Variants in RETREG2 observed in about 807,000 individuals in gnomAD.
The protein encoded by RETREG2 is reticulophagy regulator family member 2.
RETREG2 carries 21 observed loss-of-function variants against 51.6 expected under a neutral mutation model. The ratio of observed to expected loss-of-function variants is 0.41; its 90% confidence interval spans 0.29 to 0.59. RETREG2 has a LOEUF of 0.59. Ranked by LOEUF, RETREG2 falls within the 20% of genes least tolerant of loss-of-function variation. The probability of loss-of-function intolerance (pLI) is 0.34; values close to 1 mark genes in which losing one functional copy is unlikely to be tolerated. For synonymous variants in RETREG2, 339 were observed against 288.6 expected, an observed-to-expected ratio of 1.17 and a Z score of -1.77; for missense variants, 674 against 646.0, an observed-to-expected ratio of 1.04 and a Z score of -0.47.
In RETREG2 at chr2:219,181,629, TCTC is replaced by T. The variant is rs1282569828; in HGVS notation, c.880-8_880-6del. ...CCTCACATGTCGTGTTCATCCTGGT[TCTC>T]CTGCCAGGTGGATGTGAAGAAAACA... On this transcript the variant is annotated splice_polypyrimidine_tract_variant and splice_region_variant and intron_variant, in intron 7 of 8. Coordinates refer to ENST00000430297, the MANE Select transcript of RETREG2 (RefSeq NM_024293.6). The T allele has an allele frequency of 2.5e-6, 4 of 1,613,388 alleles. No individual in the cohort carries two copies. Among genetic ancestry groups the T allele is most frequent in the South Asian group, 2.2e-5 (2 of 91,060 alleles).
intron 3 of RETREG2, 89 bp from the exon 4 acceptor site, chr2:219,180,021 C>A (rs1390348017): frequency 2.0e-5 from 31 of 1,541,440 alleles, no homozygotes; most frequent in Non-Finnish European, 2.7e-5. Context: ...CTTTTTTAGA[C>A]TAAAGATATC....
rs563084224 is a variant in RETREG2, at chr2:219,180,029, A to G, written c.420-81A>G. The G allele has an allele frequency of 4.8e-5, 75 of 1,559,212 alleles. 1 individual carries two copies. The South Asian group carries it at 8.1e-4, about 17-fold the overall frequency. On this transcript the variant is annotated intron_variant, in intron 3 of 8. Coordinates refer to ENST00000430297, the MANE Select transcript of RETREG2 (RefSeq NM_024293.6). ...TCATTTGCTTTTTTAGACTAAAGATATCTTTGGCATTCTCAGAGGGATTTA... is the reference window on the plus strand; with the variant it reads ...TCATTTGCTTTTTTAGACTAAAGATGTCTTTGGCATTCTCAGAGGGATTTA...
intron 7 of RETREG2, 35 bp from the exon 8 acceptor site, chr2:219,181,605 C>T (rs769241281): frequency 3.7e-6 from 6 of 1,611,106 alleles, no homozygotes; most frequent in Non-Finnish European, 5.1e-6. Context: ...CTCTTATCCC[C>T]TCACATGTCG....
intron 1 of RETREG2, 123 bp from the exon 2 acceptor site, chr2:219,178,799 C>A: frequency 8.9e-7 from 1 of 1,125,354 alleles, no homozygotes; most frequent in Non-Finnish European, 1.3e-6. Context: ...ATCTCTGAGT[C>A]GTGAGTCGCG....
chr2:219,180,525 C>A, intron 4 of RETREG2, 145 bp from the exon 5 acceptor site: 1 of 1,405,424 alleles, frequency 7.1e-7, no homozygotes, highest in Non-Finnish European at 9.7e-7. Context: ...AATTGGTGGT[C>A]TTGAGCATCC....
intron 2 of RETREG2, among the ~76,000 whole-genome samples, chr2:219,179,491 T>G (rs544225441): frequency 7.2e-5 from 11 of 152,346 alleles, no homozygotes; most frequent in African/African-American, 2.4e-4. Context: ...ATAATTTACT[T>G]AGTAGGTGAC....
chr2:219,185,388 C>T lies in RETREG2; in HGVS notation c.*2759C>T, dbSNP rs1187136255. The T allele has an allele frequency of 6.6e-6, 1 of 152,130 alleles. No homozygotes were observed. The highest frequency in any genetic ancestry group is 1.5e-5 in the Non-Finnish European group (1 of 68,026). 9.4% of individuals were successfully genotyped at this position (152,130 alleles called of 1,614,324 possible). A position where few individuals can be genotyped will look rare whatever the true frequency, so the allele number is the denominator to read the frequency against. ...TAGGGGAGGAGGGAGTACATTTTAG[C>T]TATGTATTCAAACAGCTAATAGTTT... On this transcript the variant is annotated 3_prime_UTR_variant, in exon 9 of 9. Transcript: ENST00000430297.
chr2:219,178,459 C>G lies in RETREG2; in HGVS notation c.107C>G (p.Thr36Ser). The change falls in exon 1 of 9, where the codon ACC (threonine) becomes AGC (serine). Residue 36 changes from threonine (T) to serine (S), a missense_variant. Coordinates refer to ENST00000430297, the MANE Select transcript of RETREG2 (RefSeq NM_024293.6). ...LGLSLGMSEA[T>S]SEAEEEAATA... ...CTGAGCCTAGGCATGAGTGAGGCCA[C>G]CAGTGAGGCAGAGGAGGAGGCGGCC... The G allele has an allele frequency of 1.1e-6, 1 of 882,926 alleles. No individual in the cohort carries two copies. 54.7% of individuals were successfully genotyped at this position (882,926 alleles called of 1,614,324 possible).
rs747967369 is a variant in RETREG2 at position 219,182,968 on chromosome 2, C to G, written c.*339C>G. ...CCAAGCCCTGGTGGTCTGGCCCTTT[C>G]TTTTTCCTCCTATCCTCAGGGACCT... is the stretch of plus-strand genomic sequence containing the variant. On this transcript the variant is annotated 3_prime_UTR_variant, in exon 9 of 9. Coordinates refer to ENST00000430297, the MANE Select transcript of RETREG2 (RefSeq NM_024293.6). 3 of 326,794 alleles carry G rather than the reference C, an allele frequency of 9.2e-6. No individual in the cohort carries two copies. The highest frequency in any genetic ancestry group is 1.7e-5 in the Non-Finnish European group (3 of 172,614). 20.2% of individuals were successfully genotyped at this position (326,794 alleles called of 1,614,324 possible).
chr2:219,182,390 TC>T lies in RETREG2; in HGVS notation c.1395del (p.Ile466PhefsTer38). ...TGGAAGTGACCCAGCCCCCTCCCCTTCCATTCTCCCACCTGTTCCCCAGGAC... is the reference window on the plus strand; with the variant it reads ...TGGAAGTGACCCAGCCCCCTCCCCTTCATTCTCCCACCTGTTCCCCAGGAC... ...LVGSDPAPSP[S>X]ILPPVPQDSP... On this transcript the variant is annotated frameshift_variant, in exon 9 of 9. Transcript: ENST00000430297. LOFTEE classifies it high-confidence loss of function. The T allele has an allele frequency of 1.9e-6, 3 of 1,613,676 alleles. No homozygotes were observed. Among genetic ancestry groups the T allele is most frequent in the Non-Finnish European group, 2.5e-6 (3 of 1,179,828 alleles).
rs199500472 is a variant in RETREG2, at chr2:219,182,357, T to C, written c.1360T>C (p.Cys454Arg). Residue 454 changes from cysteine to arginine, a missense_variant, in exon 9 of 9, where the codon TGC (cysteine) becomes CGC (arginine). Transcript: ENST00000430297. ...GCCCGGCACCCTGTCACCTCCACTTTGCCTTGTTGGAAGTGACCCAGCCCC... is the reference window on the plus strand; with the variant it reads ...GCCCGGCACCCTGTCACCTCCACTTCGCCTTGTTGGAAGTGACCCAGCCCC... ...ALPGTLSPPL[C>R]LVGSDPAPSP... 2.0e-4 allele frequency: 320 copies of C among 1,613,936 alleles called. No individual in the cohort carries two copies. Among genetic ancestry groups the C allele is most frequent in the Middle Eastern group, 1.3e-3 (8 of 6,062 alleles).
chr2:219,178,556 G>A lies in RETREG2; in HGVS notation c.204G>A (p.Ala68=). The change falls in exon 1 of 9, where the codon GCG becomes GCA. Residue 68 remains alanine, a synonymous_variant. Transcript: ENST00000430297. The part of the protein sequence containing the change: ...LRLRGWEAVL[A]AAQRLLVWEK... ...TCCGCGGCTGGGAGGCGGTGCTGGCGGCGGCGCAGCGGTTGCTGGTGTGGG... is the reference window on the plus strand; with the variant it reads ...TCCGCGGCTGGGAGGCGGTGCTGGCAGCGGCGCAGCGGTTGCTGGTGTGGG... 6.9e-7 allele frequency: 1 copy of A among 1,449,606 alleles called. No homozygotes were observed. Among genetic ancestry groups the A allele is most frequent in the East Asian group, 2.9e-5 (1 of 34,714 alleles). 89.8% of individuals were successfully genotyped at this position (1,449,606 alleles called of 1,614,324 possible).
Position 219,181,783 on chromosome 2 carries a change from G to A in RETREG2, c.1015+8G>A, listed in dbSNP as rs1007065915. 3 of 1,611,926 alleles carry A rather than the reference G, an allele frequency of 1.9e-6. No individual in the cohort carries two copies. Among genetic ancestry groups the A allele is most frequent in the Non-Finnish European group, 2.5e-6 (3 of 1,178,666 alleles). ...TGACTGATGTCTCCGAGGGTATGGG[G>A]AGCCCTTTGCTGCCCTGCTCCCCGC... On this transcript the variant is annotated splice_region_variant and intron_variant, in intron 8 of 8. Coordinates refer to ENST00000430297, the MANE Select transcript of RETREG2 (RefSeq NM_024293.6).
chr2:219,178,514 G>T lies in RETREG2; in HGVS notation c.162G>T (p.Thr54=). The change falls in exon 1 of 9, where the codon ACG becomes ACT. Residue 54 remains threonine (T), a synonymous_variant. Transcript: ENST00000430297. The part of the protein sequence containing the change: ...ATAEAVGRLA[T]TLWLRLRGWE... Reference sequence around the variant, plus strand: ...CCGAGGCGGTGGGACGCCTGGCCACGACGCTGTGGCTGCGGCTCCGCGGCT... The same window carrying T: ...CCGAGGCGGTGGGACGCCTGGCCACTACGCTGTGGCTGCGGCTCCGCGGCT... The T allele has an allele frequency of 7.1e-7, 1 of 1,403,468 alleles. No individual in the cohort carries two copies. Among genetic ancestry groups the T allele is most frequent in the South Asian group, 1.5e-5 (1 of 67,184 alleles). The allele number at this position is 1,403,468 out of a possible 1,614,324, so 86.9% of individuals were successfully genotyped here.
chr2:219,179,032 A>G lies in RETREG2; in HGVS notation c.388+4A>G. On this transcript the variant is annotated splice_donor_region_variant and intron_variant, in intron 2 of 8. Transcript: ENST00000430297. The stretch of plus-strand genomic sequence containing the variant: ...CGCTTTCTCCCTGACGTTTCAGGTG[A>G]GTGTTTCTTCATTCAGTAAGCACCC... 1 of 1,600,444 alleles carries G rather than the reference A, an allele frequency of 6.2e-7. No homozygotes were observed.
chr2:219,178,402 G>C lies in RETREG2; in HGVS notation c.50G>C (p.Gly17Ala), dbSNP rs1208762112. 1 of 519,898 alleles carries C rather than the reference G, an allele frequency of 1.9e-6. No homozygotes were observed. Among genetic ancestry groups the C allele is most frequent in the Non-Finnish European group, 3.3e-6 (1 of 303,318 alleles). The allele number at this position is 519,898 out of a possible 1,614,324, so 32.2% of individuals were successfully genotyped here. A position where few individuals can be genotyped will look rare whatever the true frequency, so the allele number is the denominator to read the frequency against. ...AACACTGGCGCGGGTGGGGGGCCGG[G>C]GATGGGCCTGAGCCTGGGCCTGGGT... Reference protein sequence around the residue: ...GGNTGAGGGPGMGLSLGLGLG... With the variant: ...GGNTGAGGGPAMGLSLGLGLG... Residue 17 changes from glycine to alanine, a missense_variant, in exon 1 of 9, where the codon GGG becomes GCG. Coordinates refer to ENST00000430297, the MANE Select transcript of RETREG2 (RefSeq NM_024293.6).
chr2:219,178,705 T>G, intron 1 of RETREG2, 72 bp downstream of exon 1: 1 of 1,391,398 alleles, frequency 7.2e-7, no homozygotes, highest in Non-Finnish European at 9.4e-7. Flanking sequence ...CCATTCCCCT[T>G]TCTGGGTTAT....
Position 219,181,413 on chromosome 2 carries a change from G to GCAGAGA in RETREG2, c.836_841dup (p.Thr279_Glu280dup). On this transcript the variant is annotated inframe_insertion, in exon 7 of 9. Coordinates refer to ENST00000430297, the MANE Select transcript of RETREG2 (RefSeq NM_024293.6). ...ACCCCCAGGAGGTGATGAGCCACTGGCAGAGACAGAGAGTGAAAGCGAGGC... is the reference window on the plus strand; with the variant it reads ...ACCCCCAGGAGGTGATGAGCCACTGGCAGAGACAGAGACAGAGAGTGAAAGCGAGGC... 1 of 1,614,112 alleles carries GCAGAGA rather than the reference G, an allele frequency of 6.2e-7. No individual in the cohort carries two copies. The highest frequency in any genetic ancestry group is 8.5e-7 in the Non-Finnish European group (1 of 1,180,016).
At position 219,182,460 on chromosome 2, in the gene RETREG2, C is replaced by T. The variant is rs1464640351; in HGVS notation, c.1463C>T (p.Thr488Ile). The T allele has an allele frequency of 1.2e-6, 2 of 1,613,796 alleles. No homozygotes were observed. The highest frequency in any genetic ancestry group is 1.3e-5 in the African/African-American group (1 of 74,812). ...GCCCCTGAGGAAGAAGAGGCACTCACCACTGAGGACTTTGAGTTGCTGGAT... is the reference window on the plus strand; with the variant it reads ...GCCCCTGAGGAAGAAGAGGCACTCATCACTGAGGACTTTGAGTTGCTGGAT... ...LPAPEEEEAL[T>I]TEDFELLDQG... The change falls in exon 9 of 9, where the codon ACC becomes ATC. Residue 488 changes from threonine to isoleucine, a missense_variant. Transcript: ENST00000430297.
Sources: allele counts gnomAD v4.1 joint callset (sites outside exome capture counted in the v4.1 genomes callset), GRCh38; gene constraint gnomAD v4.1.1; transcripts MANE v1.5; gene names NCBI Gene and HGNC (gene_info 2026-07-23, HGNC 2026-07-21).